NUCB2: variants seen among roughly 807,000 people sequenced by gnomAD.
NUCB2 encodes the protein nucleobindin 2.
In NUCB2, 48 loss-of-function variants were observed where a neutral mutation model predicts 57.9. The ratio of observed to expected loss-of-function variants is 0.83; its 90% CI spans 0.66 to 1.05. The LOEUF (loss-of-function observed/expected upper bound fraction) is 1.05, where lower values mean the gene tolerates loss of function less well. Among genes scored for constraint, NUCB2 ranks in the 50% least tolerant of loss-of-function variants. NUCB2 has a pLI of 0.00. For synonymous variants in NUCB2, 139 were observed against 152.1 expected, an observed-to-expected ratio of 0.91 and a Z score of 0.64; for missense variants, 442 against 476.2, an observed-to-expected ratio of 0.93 and a Z score of 0.67.
chr11:17,278,654 G>C (rs1015542275), intron 1 of NUCB2: 3 of 152,140 alleles, frequency 2.0e-5, no homozygotes, highest in Admixed American at 6.5e-5. Flanking sequence ...GACAATTAAG[G>C]TACTTTTCAA....
intron 11 of NUCB2, among the ~76,000 whole-genome samples, chr11:17,320,271 T>G (rs1949846484): frequency 6.6e-6 from 1 of 152,210 alleles, no homozygotes; most frequent in African/African-American, 2.4e-5. Flanking sequence ...AACTCCCTTT[T>G]CCTTAAAAAT....
intron 5 of NUCB2, among the ~76,000 whole-genome samples, chr11:17,307,006 A>T (rs1447235395): frequency 6.6e-6 from 1 of 152,092 alleles, no homozygotes; most frequent in Non-Finnish European, 1.5e-5. Context: ...GAAATATCTG[A>T]TAATTTGAGG....
intron 11 of NUCB2, among the ~76,000 whole-genome samples, chr11:17,329,620 GCA>G (rs1951133106): frequency 1.3e-5 from 2 of 152,220 alleles, no homozygotes; most frequent in African/African-American, 4.8e-5. Flanking sequence ...TCCCCAGAGG[GCA>G]CAGACTCTCT....
chr11:17,289,931 A>T (rs1362223130), intron 2 of NUCB2, among the ~76,000 whole-genome samples: 1 of 152,094 alleles, frequency 6.6e-6, no homozygotes, highest in African/African-American at 2.4e-5. Flanking sequence ...TTCCTGACAA[A>T]TTGACATTTG....
intron 1 of NUCB2, among the ~76,000 whole-genome samples, chr11:17,281,496 A>G (rs1248757339): frequency 6.6e-6 from 1 of 152,192 alleles, no homozygotes; most frequent in Non-Finnish European, 1.5e-5. Context: ...TTCCTTTTCA[A>G]GACAAGAAGG....
At chr11:17,280,876 C>A (rs781301706) in intron 1 of NUCB2, among the ~76,000 whole-genome samples, 13 of 152,018 alleles carry the variant, frequency 8.6e-5, no homozygotes, top group Non-Finnish European at 1.3e-4. Flanking sequence ...CCCATCTCTA[C>A]CAAAAATATT....
chr11:17,295,931 G>A (rs1045986914), intron 3 of NUCB2, among the ~76,000 whole-genome samples, 173 bp from the exon 4 acceptor site: 2 of 152,140 alleles, frequency 1.3e-5, no homozygotes, highest in East Asian at 3.8e-4. Context: ...GATGATATTG[G>A]TTCTGATATA....
At chr11:17,313,690 G>A (rs1948838173) in intron 10 of NUCB2, among the ~76,000 whole-genome samples, 1 of 152,090 alleles carries the variant, frequency 6.6e-6, no homozygotes, top group African/African-American at 2.4e-5. Flanking sequence ...TGCTGATACA[G>A]TTGATGCCTC....
intron 1 of NUCB2, among the ~76,000 whole-genome samples, chr11:17,279,659 T>C (rs763614129): frequency 3.3e-5 from 5 of 152,186 alleles, no homozygotes; most frequent in Non-Finnish European, 7.4e-5. Context: ...AATCGCAGAT[T>C]AGGGAGGACT....
At chr11:17,290,037 C>T (rs942224105) in intron 2 of NUCB2, among the ~76,000 whole-genome samples, 2 of 152,128 alleles carry the variant, frequency 1.3e-5, no homozygotes, top group African/African-American at 4.8e-5. Context: ...TGTTTGGCTG[C>T]TGATAGGTAA....
At chr11:17,304,336 A>C (rs1947273986) in intron 5 of NUCB2, among the ~76,000 whole-genome samples, 1 of 151,998 alleles carries the variant, frequency 6.6e-6, no homozygotes, top group Non-Finnish European at 1.5e-5. Context: ...TTGGGATTAC[A>C]GGTGCCTGCC....
intron 1 of NUCB2, chr11:17,278,543 T>C (rs939490517): frequency 2.0e-5 from 3 of 152,174 alleles, no homozygotes; most frequent in Non-Finnish European, 4.4e-5. Flanking sequence ...CCAAGGTACA[T>C]ATTGTTCATA....
downstream of NUCB2, among the ~76,000 whole-genome samples, chr11:17,336,942 A>AC (rs1565482652): frequency 6.7e-6 from 1 of 149,288 alleles, no homozygotes; most frequent in Non-Finnish European, 1.5e-5. Flanking sequence ...TGATAACATG[A>AC]TTTTTTTTTT....
At chr11:17,335,960 T>G (rs1295624359), downstream of NUCB2, among the ~76,000 whole-genome samples, 1 of 152,254 alleles carries the variant, frequency 6.6e-6, no homozygotes, top group Non-Finnish European at 1.5e-5. Flanking sequence ...TTGTTTCACA[T>G]ATGAATTTTC....
chr11:17,310,435 A>C (rs1181315429), intron 6 of NUCB2, among the ~76,000 whole-genome samples: 1 of 152,158 alleles, frequency 6.6e-6, no homozygotes, highest in Non-Finnish European at 1.5e-5. Context: ...TCAGCAGTTC[A>C]AGACCAGCCT....
At chr11:17,346,817 A>G (rs576881209) in intron 2 of NUCB2, among the ~76,000 whole-genome samples, 4 of 152,362 alleles carry the variant, frequency 2.6e-5, no homozygotes, top group Admixed American at 6.5e-5. Flanking sequence ...AAATTTTGCC[A>G]GTTATCCTAC....
At position 17,288,934 on chromosome 11, in the gene NUCB2, CACACACACACACACACAT is replaced by C. The variant is rs1254066939; in HGVS notation, c.-1+5993_-1+6010del. ...ACACACACACACACACACACACACA[CACACACACACACACACAT>C]ATATATATATATTTTTTTTTTTTGA... On this transcript the variant is annotated intron_variant, in intron 2 of 13. Coordinates refer to ENST00000529010, the MANE Select transcript of NUCB2 (RefSeq NM_005013.4). 1.1e-3 allele frequency among the ~76,000 whole-genome samples: 94 copies of C among 85,768 alleles called. 7 individuals carry two copies. The highest frequency in any genetic ancestry group is 2.7e-3 in the African/African-American group (34 of 12,634). 56.3% of individuals were successfully genotyped at this position (85,768 alleles called of 152,430 possible). A position where few individuals can be genotyped will look rare whatever the true frequency, so the allele number is the denominator to read the frequency against.
chr11:17,343,383 A>G (rs1424465403), intron 2 of NUCB2, among the ~76,000 whole-genome samples: 1 of 152,152 alleles, frequency 6.6e-6, no homozygotes, highest in Non-Finnish European at 1.5e-5. Context: ...TTTCTGCTCA[A>G]CTTTAGTTCA....
At chr11:17,343,406 A>G (rs1952454783) in intron 2 of NUCB2, among the ~76,000 whole-genome samples, 1 of 152,168 alleles carries the variant, frequency 6.6e-6, no homozygotes, top group South Asian at 2.1e-4. Flanking sequence ...TTCAATGTGC[A>G]TTTTTAGTGA....
Sources: allele counts gnomAD v4.1 joint callset (sites outside exome capture counted in the v4.1 genomes callset), GRCh38; gene constraint gnomAD v4.1.1; transcripts MANE v1.5; gene names NCBI Gene and HGNC (gene_info 2026-07-23, HGNC 2026-07-21).